PCDHGB2: variants seen among roughly 807,000 people sequenced by gnomAD.
PCDHGB2 encodes the protein protocadherin gamma subfamily B, 2.
In PCDHGB2, 55 loss-of-function variants were observed where a neutral mutation model predicts 59.3. The observed-to-expected ratio is 0.93, with a 90% CI of 0.75 to 1.16. The LOEUF is 1.16. Among genes scored for constraint, PCDHGB2 ranks in the 50% most tolerant of loss-of-function variants. PCDHGB2 has a pLI of 0.00. For synonymous variants in PCDHGB2, 516 were observed against 512.0 expected (o/e 1.01, Z -0.11); for missense variants, 1,228 against 1,198.5 (o/e 1.02, Z -0.36).
Position 141,361,522 on chromosome 5 carries a change from G to C in PCDHGB2, c.1387G>C (p.Glu463Gln). 13 of 1,614,054 alleles carry C rather than the reference G, an allele frequency of 8.1e-6. No individual in the cohort carries two copies. The highest frequency in any genetic ancestry group is 1.0e-5 in the Non-Finnish European group (12 of 1,179,900). Residue 463 changes from glutamate (E) to glutamine (Q), a missense_variant, in exon 1 of 4, where the codon GAG becomes CAG. Coordinates refer to ENST00000522605, the MANE Select transcript of PCDHGB2 (RefSeq NM_018923.3). ...GACTTCCTACATGGTTCACGTGGCA[G>C]AGAACAATCCTCCTGGCGCCTCTAT... is the stretch of plus-strand genomic sequence containing the variant. ...QQTSYMVHVA[E>Q]NNPPGASIAQ... is the part of the protein sequence containing the mutation.
In PCDHGB2 at chr5:141,511,548, A is replaced by C; in HGVS notation, c.*375A>C. 3.3e-6 allele frequency: 1 copy of C among 306,952 alleles called. No homozygotes were observed. The highest frequency in any genetic ancestry group is 6.3e-6 in the Non-Finnish European group (1 of 158,248). 19.0% of individuals were successfully genotyped at this position (306,952 alleles called of 1,614,324 possible). ...CCTCCCTCCTCCCCACCCCACTCCA[A>C]CAGTTCCTCTTTCCCGAGTAAGGTG... is the stretch of plus-strand genomic sequence containing the variant. On this transcript the variant is annotated 3_prime_UTR_variant, in exon 4 of 4. Transcript: ENST00000522605.
intron 1 of PCDHGB2, among the ~76,000 whole-genome samples, chr5:141,460,110 A>G (rs966038979): frequency 2.0e-5 from 3 of 151,894 alleles, no homozygotes; most frequent in African/African-American, 7.2e-5. Context: ...ATTATATATG[A>G]TTTTTATATA....
Position 141,454,981 on chromosome 5 carries a change from A to T in PCDHGB2, c.2422-39826A>T, listed in dbSNP as rs528657512. 9.9e-3 allele frequency among the ~76,000 whole-genome samples: 1,486 copies of T among 150,680 alleles called. 32 individuals carry two copies. Among genetic ancestry groups the T allele is most frequent in the African/African-American group, 0.034 (1,392 of 41,092 alleles). On this transcript the variant is annotated intron_variant, in intron 1 of 3. Coordinates refer to ENST00000522605, the MANE Select transcript of PCDHGB2 (RefSeq NM_018923.3). ...GGCCACCACGCCTGGCTAATTTTTTAAAAAATATTTTTAGTAGAGACGGGG... is the reference window on the plus strand; with the variant it reads ...GGCCACCACGCCTGGCTAATTTTTTTAAAAATATTTTTAGTAGAGACGGGG...
intron 1 of PCDHGB2, chr5:141,392,432 T>C (rs2092535052): frequency 6.2e-6 from 1 of 160,182 alleles, no homozygotes; most frequent in African/African-American, 2.4e-5. Flanking sequence ...ATTCTTTGGC[T>C]GTTTCTTTTA....
chr5:141,378,980 G>T (rs1336652080), intron 1 of PCDHGB2: 1 of 152,182 alleles, frequency 6.6e-6, no homozygotes, highest in Non-Finnish European at 1.5e-5. Context: ...ATGACTTGTT[G>T]AACTACATTA....
intron 1 of PCDHGB2, chr5:141,365,136 C>T: frequency 6.2e-7 from 1 of 1,613,950 alleles, no homozygotes; most frequent in Non-Finnish European, 8.5e-7. Flanking sequence ...GCCACGGATC[C>T]AGATGAGGGA....
intron 1 of PCDHGB2, among the ~76,000 whole-genome samples, chr5:141,373,446 C>T (rs1282910334): frequency 6.6e-6 from 1 of 152,132 alleles, no homozygotes. Flanking sequence ...TCCCTTGATC[C>T]CAGGAGGTAG....
At chr5:141,370,427 A>G (rs372276982) in intron 1 of PCDHGB2, 205 of 1,590,086 alleles carry the variant, frequency 1.3e-4, no homozygotes, top group Non-Finnish European at 1.7e-4. Context: ...GGGGCCCAGC[A>G]GGGCAGAGGC....
chr5:141,374,721 C>T, intron 1 of PCDHGB2: 1 of 1,610,366 alleles, frequency 6.2e-7, no homozygotes, highest in Non-Finnish European at 8.5e-7. Context: ...CTGGTCCTTA[C>T]TGCCATGGAT....
chr5:141,395,518 C>T (rs1046650715), intron 1 of PCDHGB2: 2 of 412,004 alleles, frequency 4.9e-6, no homozygotes, highest in Admixed American at 4.2e-5. Context: ...AGCTACCCGT[C>T]CATACTGGTA....
intron 1 of PCDHGB2, chr5:141,403,857 C>T (rs1431988074): frequency 6.2e-7 from 1 of 1,613,412 alleles, no homozygotes; most frequent in South Asian, 1.1e-5. Flanking sequence ...GGGGAAATAT[C>T]AACAGCAAAA....
At chr5:141,371,511 G>T (rs747916078) in intron 1 of PCDHGB2, 7 of 1,613,850 alleles carry the variant, frequency 4.3e-6, no homozygotes, top group East Asian at 2.2e-5. Context: ...CAAAACACAT[G>T]ATCTAGATTC....
At chr5:141,455,634 G>C (rs1429708887) in intron 1 of PCDHGB2, among the ~76,000 whole-genome samples, 1 of 152,110 alleles carries the variant, frequency 6.6e-6, no homozygotes. Context: ...GAGATATGTG[G>C]GGGGCAGCCA....
intron 1 of PCDHGB2, among the ~76,000 whole-genome samples, chr5:141,368,490 A>C (rs1765682210): frequency 6.6e-6 from 1 of 152,216 alleles, no homozygotes; most frequent in Admixed American, 6.5e-5. Context: ...AAGAGAATCT[A>C]TACAGTAGGT....
rs770357830 is a variant in PCDHGB2 at position 141,392,977 on chromosome 5, A to G, written c.2421+30421A>G. On this transcript the variant is annotated intron_variant, in intron 1 of 3. Coordinates refer to ENST00000522605, the MANE Select transcript of PCDHGB2 (RefSeq NM_018923.3). ...AATATCTCCAAGGACCTGGGGCTGG[A>G]CCCCCGGAAGCTGGCGAAGCACGGA... 1.9e-6 allele frequency: 3 copies of G among 1,613,560 alleles called. No homozygotes were observed. The highest frequency in any genetic ancestry group is 4.5e-5 in the East Asian group (2 of 44,876).
At chr5:141,362,983 T>C (rs1282790095) in intron 1 of PCDHGB2, among the ~76,000 whole-genome samples, 1 of 152,256 alleles carries the variant, frequency 6.6e-6, no homozygotes, top group Admixed American at 6.5e-5. Context: ...GACTTTTGCA[T>C]AATGGCATGG....
intron 1 of PCDHGB2, chr5:141,410,291 G>A: frequency 1.2e-6 from 2 of 1,613,948 alleles, no homozygotes; most frequent in Non-Finnish European, 1.7e-6. Flanking sequence ...GGTGGCCTTG[G>A]CCTTAATCTC....
chr5:141,424,246 A>G (rs971050268), intron 1 of PCDHGB2: 2 of 154,772 alleles, frequency 1.3e-5, no homozygotes, highest in African/African-American at 4.8e-5. Context: ...GTGGCTGGTA[A>G]TATGCTTAGA....
chr5:141,388,583 T>G, intron 1 of PCDHGB2: 1 of 1,613,894 alleles, frequency 6.2e-7, no homozygotes, highest in Non-Finnish European at 8.5e-7. Flanking sequence ...TTCTAGTGAC[T>G]GATGCCAATG....
Sources: gnomAD v4.1 joint callset for allele counts (sites outside exome capture counted in the v4.1 genomes callset) on GRCh38, gnomAD v4.1.1 for gene constraint, MANE v1.5 for transcripts, NCBI Gene and HGNC (gene_info 2026-07-23, HGNC 2026-07-21) for gene names.